The following FBXL18 variants were observed in gnomAD, a reference collection of about 807,000 sequenced individuals.
The protein encoded by FBXL18 is F-box/LRR-repeat protein 18.
In FBXL18, 36 loss-of-function variants were observed where a neutral mutation model predicts 46.0. The ratio of observed to expected loss-of-function variants is 0.78; its 90% CI spans 0.60 to 1.03. The LOEUF (loss-of-function observed/expected upper bound fraction) is 1.03. FBXL18 is among the 50% of genes least tolerant of loss of function. The pLI, the probability that FBXL18 is intolerant of heterozygous loss-of-function variation, is 0.00. For missense variants in FBXL18, 977 were observed against 1,004.1 expected (o/e 0.97, Z 0.36); for synonymous variants, 557 against 465.3 (o/e 1.20, Z -2.54).
intron 3 of FBXL18, among the ~76,000 whole-genome samples, chr7:5,494,419 G>A (rs1335289213): frequency 3.3e-5 from 5 of 152,168 alleles, no homozygotes; most frequent in African/African-American, 7.2e-5. Context: ...GTGACAGAGC[G>A]AGACTCTGTC....
intron 4 of FBXL18, among the ~76,000 whole-genome samples, chr7:5,487,029 C>T (rs1248436783): frequency 6.6e-6 from 1 of 152,282 alleles, no homozygotes; most frequent in Non-Finnish European, 1.5e-5. Flanking sequence ...AAGCAGGGGG[C>T]GGGGCCTGCG....
In FBXL18 at chr7:5,464,607, G is replaced by C. The variant is rs192676883; in HGVS notation, c.2001-16764C>G. Among the ~76,000 whole-genome samples the C allele has an allele frequency of 1.2e-4, 15 of 129,092 alleles. No homozygotes were observed. The East Asian group carries it at 3.2e-3, about 27-fold the overall frequency. 84.7% of individuals were successfully genotyped at this position (129,092 alleles called of 152,430 possible). On this transcript the variant is annotated intron_variant and NMD_transcript_variant, in intron 4 of 6. Transcript: ENST00000415009. ...CAACCCAGGAGACGAATGTTGCAGT[G>C]ACCCGAGATGACACCACTGAACTCT...
rs1355266460 is a variant in FBXL18, at chr7:5,478,555, G to C, written c.*3220C>G. 1.3e-5 allele frequency: 2 copies of C among 152,444 alleles called. No homozygotes were observed. The highest frequency in any genetic ancestry group is 4.8e-5 in the African/African-American group (2 of 41,430). The allele number at this position is 152,444 out of a possible 1,614,324, so 9.4% of individuals were successfully genotyped here. Reference sequence around the variant, plus strand: ...TAGCAGCTAGGTGTGGGGTGAGCTGGGAGCACAGGCAGGAGGGGGCAGCCA... The same window carrying C: ...TAGCAGCTAGGTGTGGGGTGAGCTGCGAGCACAGGCAGGAGGGGGCAGCCA... On this transcript the variant is annotated 3_prime_UTR_variant, in exon 5 of 5. Transcript: ENST00000382368.
chr7:5,463,730 T>TTTA (rs1783296837), intron 4 of FBXL18, among the ~76,000 whole-genome samples: 1 of 10,752 alleles, frequency 9.3e-5, no homozygotes, highest in African/African-American at 2.5e-4. Flanking sequence ...ATTTATTTAT[T>TTTA]TTTTTTTTTT....
intron 4 of FBXL18, 128 bp from the exon 5 acceptor site, chr7:5,482,059 A>C: frequency 8.9e-7 from 1 of 1,121,444 alleles, no homozygotes; most frequent in Non-Finnish European, 1.2e-6. Flanking sequence ...TCCCAGACAG[A>C]CCATGCCTGC....
At chr7:5,500,427 C>T (rs1390654439) in intron 3 of FBXL18, 61 bp downstream of exon 3, 30 of 1,458,446 alleles carry the variant, frequency 2.1e-5, no homozygotes, top group Non-Finnish European at 2.8e-5. Context: ...TCCACGCGAA[C>T]GCCCCAGTTC....
chr7:5,470,013 G>C (rs1783403130), intron 4 of FBXL18, among the ~76,000 whole-genome samples: 1 of 152,166 alleles, frequency 6.6e-6, no homozygotes. Flanking sequence ...GTACGGGTAT[G>C]AACGGGCGTG....
intron 1 of FBXL18, 135 bp downstream of exon 1, chr7:5,513,522 G>A (rs2128239873): frequency 2.0e-6 from 2 of 1,005,668 alleles, no homozygotes; most frequent in South Asian, 2.7e-5. Context: ...CAAGGCCAGG[G>A]TCAGGATGGG....
chr7:5,474,140 G>C (rs1783470909), downstream of FBXL18, among the ~76,000 whole-genome samples: 2 of 152,110 alleles, frequency 1.3e-5, no homozygotes, highest in South Asian at 4.1e-4. Flanking sequence ...CAAACTCATA[G>C]GGACAGGAAG....
At chr7:5,468,372 C>T (rs2081380740) in intron 4 of FBXL18, among the ~76,000 whole-genome samples, 1 of 152,206 alleles carries the variant, frequency 6.6e-6, no homozygotes, top group African/African-American at 2.4e-5. Context: ...CCGCCTTGGC[C>T]TCCCAAAGTG....
chr7:5,494,039 G>A (rs574013133), intron 3 of FBXL18, among the ~76,000 whole-genome samples: 31 of 152,128 alleles, frequency 2.0e-4, no homozygotes, highest in African/African-American at 6.5e-4. Context: ...TTGGGAGGCC[G>A]AAGAGGGCAG....
At chr7:5,508,392 G>A (rs967769478) in intron 1 of FBXL18, among the ~76,000 whole-genome samples, 1 of 150,440 alleles carries the variant, frequency 6.6e-6, no homozygotes, top group Admixed American at 6.7e-5. Flanking sequence ...GCGGTAAGCC[G>A]AGATCGCACC....
intron 4 of FBXL18, among the ~76,000 whole-genome samples, chr7:5,458,251 C>T (rs983589036): frequency 6.6e-6 from 1 of 152,130 alleles, no homozygotes; most frequent in Admixed American, 6.6e-5. Flanking sequence ...AAAACCACCC[C>T]CCAAGGCCTT....
rs4075746 is a variant in FBXL18, at chr7:5,500,038, T to A, written c.1781+450A>T. ...TATGATGGCACCACTGCACTCCAGC[T>A]TGGATGACAGAGCGAGACCCTGTCT... is the stretch of plus-strand genomic sequence containing the variant. On this transcript the variant is annotated intron_variant, in intron 3 of 4. Transcript: ENST00000382368. 5.1e-4 allele frequency among the ~76,000 whole-genome samples: 77 copies of A among 151,266 alleles called. 2 individuals carry two copies. The highest frequency in any genetic ancestry group is 1.0e-3 in the African/African-American group (41 of 41,184).
chr7:5,507,689 C>T (rs1238413357), intron 1 of FBXL18, among the ~76,000 whole-genome samples: 2 of 147,790 alleles, frequency 1.4e-5, no homozygotes, highest in South Asian at 2.2e-4. Flanking sequence ...CAAAAATTAC[C>T]GGGGCATGGT....
intron 4 of FBXL18, chr7:5,490,324 G>T (rs981011614): frequency 3.6e-6 from 4 of 1,107,168 alleles, no homozygotes; most frequent in Non-Finnish European, 4.5e-6. Flanking sequence ...CTCCTGAGAG[G>T]TCTTGAAATG....
chr7:5,501,555 G>T lies in FBXL18; in HGVS notation c.714C>A (p.Ala238=). The part of the protein sequence containing the change: ...QNLRVFYARL[A]PGYINQEVVR... ...CCACCTCCTGGTTGATGTAGCCGGG[G>T]GCCAGGCGCGCATAGAAGACCCGCA... Residue 238 remains alanine, a synonymous_variant, in exon 3 of 5, where the codon GCC becomes GCA. Coordinates refer to ENST00000382368, the MANE Select transcript of FBXL18 (RefSeq NM_024963.6). 6.2e-7 allele frequency: 1 copy of T among 1,613,902 alleles called. No individual in the cohort carries two copies. The highest frequency in any genetic ancestry group is 8.5e-7 in the Non-Finnish European group (1 of 1,180,020).
chr7:5,461,014 A>T (rs1270056736), intron 4 of FBXL18, among the ~76,000 whole-genome samples: 1 of 152,208 alleles, frequency 6.6e-6, no homozygotes, highest in Non-Finnish European at 1.5e-5. Context: ...TCCACGCACA[A>T]GTGCTGTGTT....
chr7:5,481,929 A>C lies in FBXL18; in HGVS notation c.2003T>G (p.Phe668Cys). 1.2e-6 allele frequency: 2 copies of C among 1,602,114 alleles called. No individual in the cohort carries two copies. The highest frequency in any genetic ancestry group is 1.7e-6 in the Non-Finnish European group (2 of 1,173,292). The change falls in exon 5 of 5, where the codon TTC becomes TGC. Residue 668 changes from phenylalanine to cysteine, a missense_variant and splice_region_variant. By Grantham distance (205) the Phe-to-Cys change is radical. Coordinates refer to ENST00000382368, the MANE Select transcript of FBXL18 (RefSeq NM_024963.6). ...GTTTAACGCGGGCCGCTCGGCCTGG[A>C]AGCTGAACCAGAGACAGGCGGTCAG... Reference protein sequence around the residue: ...KSLQQSLLRSFQAERPALNVV... With the variant: ...KSLQQSLLRSCQAERPALNVV...
Sources: gnomAD v4.1 joint callset for allele counts (sites outside exome capture counted in the v4.1 genomes callset) on GRCh38, gnomAD v4.1.1 for gene constraint, MANE v1.5 for transcripts, NCBI Gene and HGNC (gene_info 2026-07-23, HGNC 2026-07-21) for gene names.